TTLL11: variants seen among roughly 807,000 people sequenced by gnomAD.
TTLL11 encodes the protein tubulin polyglutamylase TTLL11.
TTLL11 carries 42 observed loss-of-function variants against 51.7 expected under a neutral mutation model. The observed-to-expected ratio is 0.81, with a 90% CI of 0.64 to 1.05. The LOEUF (loss-of-function observed/expected upper bound fraction) is 1.05, where lower values mean the gene tolerates loss of function less well. Ranked by LOEUF, TTLL11 falls within the 50% of genes least tolerant of loss-of-function variation. The probability of loss-of-function intolerance (pLI) is 0.00; values close to 1 mark genes in which losing one functional copy is unlikely to be tolerated. For synonymous variants in TTLL11, 381 were observed against 383.5 expected (o/e 0.99, Z 0.08); for missense variants, 799 against 940.4 (o/e 0.85, Z 1.97).
intron 3 of TTLL11, among the ~76,000 whole-genome samples, chr9:121,997,152 C>T (rs10985478): frequency 0.21 from 31,875 of 152,116 alleles, 3,688 homozygotes; most frequent in Non-Finnish European, 0.24. Context: ...CAGCAGCCTT[C>T]TGTGAGCCAT....
At chr9:121,962,796 A>T (rs1363006616) in intron 6 of TTLL11, among the ~76,000 whole-genome samples, 1 of 152,218 alleles carries the variant, frequency 6.6e-6, no homozygotes, top group African/African-American at 2.4e-5. Flanking sequence ...CATTATTGAA[A>T]ATAAAGTCAC....
At chr9:121,957,220 C>T (rs1319211692) in intron 6 of TTLL11, among the ~76,000 whole-genome samples, 1 of 152,178 alleles carries the variant, frequency 6.6e-6, no homozygotes, top group Non-Finnish European at 1.5e-5. Context: ...TCAGGGGGCG[C>T]CTTCTACCAC....
intron 6 of TTLL11, among the ~76,000 whole-genome samples, chr9:121,955,601 C>T (rs1841993965): frequency 6.6e-6 from 1 of 152,156 alleles, no homozygotes; most frequent in Non-Finnish European, 1.5e-5. Context: ...CCAGATTTCA[C>T]AGGGAGCAAA....
At chr9:121,996,478 T>G (rs1032522000) in intron 3 of TTLL11, among the ~76,000 whole-genome samples, 2 of 151,890 alleles carry the variant, frequency 1.3e-5, no homozygotes, top group African/African-American at 4.8e-5. Flanking sequence ...CACACACACA[T>G]GCACACACAT....
chr9:121,950,061 C>T lies in TTLL11; in HGVS notation c.1481+23948G>A, dbSNP rs144241241. 3.2e-3 allele frequency among the ~76,000 whole-genome samples: 480 copies of T among 152,262 alleles called. 4 individuals carry two copies. Among genetic ancestry groups the T allele is most frequent in the Admixed American group, 8.9e-3 (136 of 15,300 alleles). On this transcript the variant is annotated intron_variant, in intron 6 of 8. Coordinates refer to ENST00000321582, the MANE Select transcript of TTLL11 (RefSeq NM_001139442.2). Reference sequence around the variant, plus strand: ...GACTAAGGAGGACACATTCCCATTTCGGTCCCTTTGTGCCCAAAGCTTGCA... The same window carrying T: ...GACTAAGGAGGACACATTCCCATTTTGGTCCCTTTGTGCCCAAAGCTTGCA...
intron 1 of TTLL11, among the ~76,000 whole-genome samples, chr9:122,057,355 C>G (rs1845316588): frequency 7.0e-6 from 1 of 142,450 alleles, no homozygotes; most frequent in African/African-American, 2.6e-5. Context: ...CTGAATCTCA[C>G]TCTGTCACCC....
At chr9:122,071,408 G>A (rs753472353) in intron 1 of TTLL11, among the ~76,000 whole-genome samples, 10 of 152,130 alleles carry the variant, frequency 6.6e-5, no homozygotes, top group Non-Finnish European at 1.0e-4. Flanking sequence ...CCCCTGGGTC[G>A]CTGTCTCTCT....
At chr9:121,977,317 C>T (rs1375514183) in intron 4 of TTLL11, among the ~76,000 whole-genome samples, 1 of 152,228 alleles carries the variant, frequency 6.6e-6, no homozygotes, top group Non-Finnish European at 1.5e-5. Context: ...TACTTAGCCA[C>T]TCTGAGCCTC....
At position 121,973,958 on chromosome 9, in the gene TTLL11, C is replaced by T. The variant is rs990887911; in HGVS notation, c.1481+51G>A. Reference sequence around the variant, plus strand: ...AACTTACCTGCTTAGGATACGAAGCCGGGTTAGGAGGCAGAGTTGATAGAA... The same window carrying T: ...AACTTACCTGCTTAGGATACGAAGCTGGGTTAGGAGGCAGAGTTGATAGAA... On this transcript the variant is annotated intron_variant, in intron 6 of 8. Coordinates refer to ENST00000321582, the MANE Select transcript of TTLL11 (RefSeq NM_001139442.2). 1.3e-5 allele frequency: 18 copies of T among 1,393,232 alleles called. No homozygotes were observed. The East Asian group carries it at 1.5e-4, about 12-fold the overall frequency. The allele number at this position is 1,393,232 out of a possible 1,614,324, so 86.3% of individuals were successfully genotyped here.
rs115990873 is a variant in TTLL11, at chr9:121,993,451, C to G, written c.694-3681G>C. Among the ~76,000 whole-genome samples, 1,193 of 152,342 alleles carry G rather than the reference C, an allele frequency of 7.8e-3. 15 individuals are homozygous for G. Among genetic ancestry groups the G allele is most frequent in the African/African-American group, 0.028 (1,161 of 41,572 alleles). On this transcript the variant is annotated intron_variant, in intron 3 of 8. Transcript: ENST00000321582. ...GTGTGACCTCGAGAAAGTCACCTAA[C>G]TTTCTGGGCTTTGTTGTAGTCACCT...
intron 1 of TTLL11, among the ~76,000 whole-genome samples, chr9:122,053,255 G>A (rs1230746664): frequency 6.6e-6 from 1 of 152,168 alleles, no homozygotes; most frequent in Non-Finnish European, 1.5e-5. Context: ...AGCCCAGAGG[G>A]AGGAGCAGTG....
intron 6 of TTLL11, among the ~76,000 whole-genome samples, chr9:121,940,664 C>T (rs1841420421): frequency 6.6e-6 from 1 of 152,024 alleles, no homozygotes; most frequent in Non-Finnish European, 1.5e-5. Context: ...ATTTATCCTC[C>T]TCCTTCACTC....
In TTLL11 at chr9:122,031,869, G is replaced by A; in HGVS notation, c.560-13C>T. ...ATCTCCGTCATGCCTGGGGAGAAGA[G>A]ACGCTGTGAGGTTTTAACAACAGTG... On this transcript the variant is annotated splice_polypyrimidine_tract_variant and intron_variant, in intron 2 of 8. Coordinates refer to ENST00000321582, the MANE Select transcript of TTLL11 (RefSeq NM_001139442.2). 6.2e-7 allele frequency: 1 copy of A among 1,610,684 alleles called. No homozygotes were observed. Among genetic ancestry groups the A allele is most frequent in the Non-Finnish European group, 8.5e-7 (1 of 1,177,666 alleles).
intron 4 of TTLL11, among the ~76,000 whole-genome samples, chr9:121,978,791 A>C (rs1842770041): frequency 2.6e-5 from 4 of 152,104 alleles, no homozygotes; most frequent in Admixed American, 1.3e-4. Context: ...ACTACATCCT[A>C]ACAGCAGTGG....
chr9:121,895,063 G>A (rs955189744), intron 6 of TTLL11, among the ~76,000 whole-genome samples: 1 of 152,054 alleles, frequency 6.6e-6, no homozygotes, highest in Non-Finnish European at 1.5e-5. Context: ...TCCTATGCTC[G>A]TTTAAATGAA....
intron 3 of TTLL11, among the ~76,000 whole-genome samples, chr9:122,019,791 C>A (rs1844110931): frequency 6.6e-6 from 1 of 152,126 alleles, no homozygotes; most frequent in African/African-American, 2.4e-5. Flanking sequence ...TCCTATAATT[C>A]CCATGTATTG....
At chr9:121,971,089 G>A (rs1842540715) in intron 6 of TTLL11, among the ~76,000 whole-genome samples, 1 of 134,704 alleles carries the variant, frequency 7.4e-6, no homozygotes. Flanking sequence ...CCCCCCGCCC[G>A]GCCAGCCGCC....
Position 121,927,633 on chromosome 9 carries a change from T to C in TTLL11, c.1481+46376A>G, listed in dbSNP as rs891656256. Among the ~76,000 whole-genome samples the C allele has an allele frequency of 3.3e-3, 470 of 142,876 alleles. 2 individuals carry two copies. The highest frequency in any genetic ancestry group is 0.012 in the African/African-American group (437 of 37,950). The allele number at this position is 142,876 out of a possible 152,430, so 93.7% of individuals were successfully genotyped here. A position where few individuals can be genotyped will look rare whatever the true frequency, so the allele number is the denominator to read the frequency against. ...ACAAGAGCACAGAAGGTGGCATTTT[T>C]TTTTTTTTTTTTTTGAAGGTGGGAG... On this transcript the variant is annotated intron_variant, in intron 6 of 8. Coordinates refer to ENST00000321582, the MANE Select transcript of TTLL11 (RefSeq NM_001139442.2).
chr9:122,054,256 A>T (rs151108933), intron 1 of TTLL11, among the ~76,000 whole-genome samples: 1 of 152,270 alleles, frequency 6.6e-6, no homozygotes, highest in East Asian at 1.9e-4. Flanking sequence ...TAATGAGATC[A>T]AAATTGTTAC....
Sources: gnomAD v4.1 joint callset for allele counts (sites outside exome capture counted in the v4.1 genomes callset) on GRCh38, gnomAD v4.1.1 for gene constraint, MANE v1.5 for transcripts, NCBI Gene and HGNC (gene_info 2026-07-23, HGNC 2026-07-21) for gene names.